KIF23: variants seen among roughly 807,000 people sequenced by gnomAD.
KIF23 encodes the protein kinesin-like protein KIF23.
KIF23 carries 30 observed loss-of-function variants against 137.5 expected under a neutral mutation model. The observed-to-expected ratio is 0.22, with a 90% confidence interval of 0.16 to 0.30. KIF23 has a LOEUF of 0.30. KIF23 is among the 10% of genes least tolerant of loss of function. KIF23 has a pLI of 1.00. For missense variants in KIF23, 920 were observed against 1,194.3 expected, an observed-to-expected ratio of 0.77 and a Z score of 3.38; for synonymous variants, 367 against 391.1, an observed-to-expected ratio of 0.94 and a Z score of 0.73.
At chr15:69,443,332 T>G (rs1187242027) in intron 19 of KIF23, among the ~76,000 whole-genome samples, 40 of 112,770 alleles carry the variant, frequency 3.5e-4, no homozygotes, top group Non-Finnish European at 5.5e-4. Flanking sequence ...TTGGGTTTTT[T>G]TTTTTTTTTT....
At chr15:69,424,797 C>G (rs11072097) in intron 7 of KIF23, among the ~76,000 whole-genome samples, 128,421 of 152,232 alleles carry the variant, frequency 0.84, 56,109 homozygotes, top group Non-Finnish European at 0.97. Flanking sequence ...TGTGAGCCAC[C>G]ATGCCTGGCC....
In KIF23 at chr15:69,447,782, T is replaced by TA. The variant is rs757900925; in HGVS notation, c.2910-9dup. 4.6e-5 allele frequency: 73 copies of TA among 1,602,084 alleles called. No homozygotes were observed. The highest frequency in any genetic ancestry group is 1.7e-4 in the Middle Eastern group (1 of 6,028). Reference sequence around the variant, plus strand: ...AAGTTCAACTCTAAGTGCTGGTTGTTATGTTTTAGGCGCAAAAAGCCATGA... The same window carrying TA: ...AAGTTCAACTCTAAGTGCTGGTTGTTAATGTTTTAGGCGCAAAAAGCCATGA... On this transcript the variant is annotated splice_polypyrimidine_tract_variant and intron_variant, in intron 23 of 23. Coordinates refer to ENST00000679126, the MANE Select transcript of KIF23 (RefSeq NM_001367805.3).
chr15:69,441,344 CT>C (rs962338601), intron 19 of KIF23, among the ~76,000 whole-genome samples: 2 of 152,206 alleles, frequency 1.3e-5, no homozygotes, highest in Non-Finnish European at 2.9e-5. Flanking sequence ...AGCTTTTCAG[CT>C]GCATACGCTA....
rs112264203 is a variant in KIF23, at chr15:69,435,434, C to A, written c.1115-49C>A. ...TATAGGCAAACAGAACACACTTTAG[C>A]TACTATACTGTTGTTCTGAAATGGC... is the stretch of plus-strand genomic sequence containing the variant. On this transcript the variant is annotated intron_variant, in intron 11 of 23. Coordinates refer to ENST00000679126, the MANE Select transcript of KIF23 (RefSeq NM_001367805.3). 2,219 of 1,392,646 alleles carry A rather than the reference C, an allele frequency of 1.6e-3. 33 individuals are homozygous for A. The African/African-American group carries it at 0.028, about 18-fold the overall frequency. 86.3% of individuals were successfully genotyped at this position (1,392,646 alleles called of 1,614,324 possible). A position where few individuals can be genotyped will look rare whatever the true frequency, so the allele number is the denominator to read the frequency against.
chr15:69,437,748 C>T (rs1411448659), intron 15 of KIF23, among the ~76,000 whole-genome samples: 1 of 152,094 alleles, frequency 6.6e-6, no homozygotes, highest in Non-Finnish European at 1.5e-5. Context: ...CGTGAGCCAC[C>T]ATGCCTGGCT....
chr15:69,421,871 G>A, intron 4 of KIF23, 119 bp downstream of exon 4: 1 of 1,305,540 alleles, frequency 7.7e-7, no homozygotes, highest in Non-Finnish European at 1.1e-6. Context: ...TAATTTGTTA[G>A]GGTGGTGCTA....
chr15:69,423,686 C>G lies in KIF23; in HGVS notation c.734+357C>G, dbSNP rs73426074. Reference sequence around the variant, plus strand: ...GAGACAGTAAAAGGAGTTTTGTAGGCTCTTTAACCACCCGTGTCTTGGTGA... The same window carrying G: ...GAGACAGTAAAAGGAGTTTTGTAGGGTCTTTAACCACCCGTGTCTTGGTGA... On this transcript the variant is annotated intron_variant, in intron 7 of 23. Transcript: ENST00000679126. Among the ~76,000 whole-genome samples, 958 of 152,182 alleles carry G rather than the reference C, an allele frequency of 6.3e-3. 7 individuals are homozygous for G. Among genetic ancestry groups the G allele is most frequent in the African/African-American group, 0.022 (905 of 41,536 alleles).
intron 11 of KIF23, chr15:69,435,173 A>G (rs2057448399): frequency 6.3e-6 from 3 of 474,858 alleles, no homozygotes; most frequent in Non-Finnish European, 1.1e-5. Context: ...ACATCTCTAT[A>G]TAAGATATTC....
chr15:69,434,936 C>G (rs1220365557), intron 11 of KIF23: 1 of 678,144 alleles, frequency 1.5e-6, no homozygotes, highest in African/African-American at 1.8e-5. Flanking sequence ...TGCAGCTGTA[C>G]GCGGGCATGA....
chr15:69,441,455 C>T lies in KIF23; in HGVS notation c.2421+376C>T, dbSNP rs2057618859. ...AAATTAGATTTTTTATACCTCCTTT[C>T]ATGCCCTAGTTTTAAAAATTGTTTT... On this transcript the variant is annotated intron_variant, in intron 19 of 23. Transcript: ENST00000679126. Among the ~76,000 whole-genome samples the T allele has an allele frequency of 2.6e-5, 4 of 152,228 alleles. No homozygotes were observed. The South Asian group carries it at 8.3e-4, about 31-fold the overall frequency.
rs1353234711 is a variant in KIF23, at chr15:69,444,458, C to G, written c.2422-332C>G. ...GACATAATAGATTACCTCTCAATAGCAGGGATAAATATTGGTTTTTGATCA... is the reference window on the plus strand; with the variant it reads ...GACATAATAGATTACCTCTCAATAGGAGGGATAAATATTGGTTTTTGATCA... On this transcript the variant is annotated intron_variant, in intron 19 of 23. Coordinates refer to ENST00000679126, the MANE Select transcript of KIF23 (RefSeq NM_001367805.3). This position sits in a 1 kb window ranked among gnomAD's most constrained non-coding sequence, Gnocchi z 4.2. The G allele has an allele frequency of 4.2e-6, 1 of 236,886 alleles. No individual in the cohort carries two copies. The highest frequency in any genetic ancestry group is 5.3e-5 in the Admixed American group (1 of 18,974). 14.7% of individuals were successfully genotyped at this position (236,886 alleles called of 1,614,324 possible). A position where few individuals can be genotyped will look rare whatever the true frequency, so the allele number is the denominator to read the frequency against.
At chr15:69,447,447 T>C (rs2140426630) in intron 23 of KIF23, among the ~76,000 whole-genome samples, 1 of 152,306 alleles carries the variant, frequency 6.6e-6, no homozygotes, top group Middle Eastern at 3.4e-3. Context: ...CCCAGTCTTT[T>C]TCCATATTTT....
intron 19 of KIF23, among the ~76,000 whole-genome samples, chr15:69,441,472 A>AAG (rs1289088824): frequency 6.6e-6 from 1 of 152,200 alleles, no homozygotes; most frequent in African/African-American, 2.4e-5. Flanking sequence ...TAGTTTTAAA[A>AAG]ATTGTTTTCC....
rs61751119 is a variant in KIF23, at chr15:69,417,453, C to T, written c.152C>T (p.Thr51Ile). The change falls in exon 3 of 24, where the codon ACT (threonine) becomes ATT (isoleucine). Residue 51 changes from threonine (T) to isoleucine (I), a missense_variant. Around this residue, in one of 4 missense-constraint regions of KIF23, gnomAD observed 124 missense variants for 122.0 expected, o/e 1.02. Transcript: ENST00000679126. ...TGCATAGAAGTGATCAATAATACAA[C>T]TGTTCAGCTTCATACTCCTGAGGGC... Reference protein sequence around the residue: ...ECCIEVINNTTVQLHTPEGYR... With the variant: ...ECCIEVINNTIVQLHTPEGYR... 108,385 of 1,613,260 alleles carry T rather than the reference C, an allele frequency of 0.067. 4,002 individuals carry two copies. The highest frequency in any genetic ancestry group is 0.077 in the Non-Finnish European group (90,504 of 1,179,436).
chr15:69,434,811 T>C (rs1211175008), intron 11 of KIF23: 3 of 985,858 alleles, frequency 3.0e-6, no homozygotes, highest in East Asian at 5.0e-5. Flanking sequence ...CTTGCACTCA[T>C]CCTGCACGTC....
chr15:69,443,390 G>A (rs908380352), intron 19 of KIF23, among the ~76,000 whole-genome samples: 4 of 126,180 alleles, frequency 3.2e-5, no homozygotes, highest in Non-Finnish European at 6.4e-5. Flanking sequence ...CCAGGCTGGA[G>A]TGCAGTGGTG....
At chr15:69,431,466 T>C (rs1409127035) in intron 11 of KIF23, among the ~76,000 whole-genome samples, 2 of 152,094 alleles carry the variant, frequency 1.3e-5, no homozygotes, top group Admixed American at 6.5e-5. Flanking sequence ...ACAAAAAAAT[T>C]AGCTGGGCGT....
intron 3 of KIF23, among the ~76,000 whole-genome samples, chr15:69,421,130 C>T (rs1405818107): frequency 6.6e-6 from 1 of 152,108 alleles, no homozygotes; most frequent in Non-Finnish European, 1.5e-5. Context: ...TGGTGGCTCA[C>T]GCCTGTAATC....
chr15:69,444,761 A>G lies in KIF23; in HGVS notation c.2422-29A>G, dbSNP rs1450499498. The G allele has an allele frequency of 1.2e-6, 2 of 1,605,636 alleles. No homozygotes were observed. Among genetic ancestry groups the G allele is most frequent in the East Asian group, 2.2e-5 (1 of 44,740 alleles). On this transcript the variant is annotated intron_variant, in intron 19 of 23. Coordinates refer to ENST00000679126, the MANE Select transcript of KIF23 (RefSeq NM_001367805.3). This position sits in a 1 kb window ranked among gnomAD's most constrained non-coding sequence, Gnocchi z 4.2. ...GCTGCACTTCTAATAATACCCTTAA[A>G]TTAATTCTGGGTTATGCTTGTTTCT...
Sources: allele counts gnomAD v4.1 joint callset (sites outside exome capture counted in the v4.1 genomes callset), GRCh38; gene constraint gnomAD v4.1.1; regional missense constraint gnomAD v4.1.1; non-coding constraint Gnocchi (gnomAD v3.1); transcripts MANE v1.5; gene names NCBI Gene and HGNC (gene_info 2026-07-23, HGNC 2026-07-21).